Variants in SKAP2 observed in about 807,000 individuals in gnomAD.
The protein encoded by SKAP2 is src kinase-associated phosphoprotein 2.
SKAP2 carries 28 observed loss-of-function variants against 54.9 expected under a neutral mutation model. The observed-to-expected ratio is 0.51, with a 90% CI of 0.38 to 0.70. The LOEUF (loss-of-function observed/expected upper bound fraction) is 0.70. Among genes scored for constraint, SKAP2 ranks in the 30% least tolerant of loss-of-function variants. The pLI is 0.00. For missense variants in SKAP2, 356 were observed against 424.1 expected (o/e 0.84, Z 1.41); for synonymous variants, 137 against 134.3 (o/e 1.02, Z -0.14).
chr7:26,693,481 G>T (rs540354447), intron 9 of SKAP2, among the ~76,000 whole-genome samples: 1 of 152,012 alleles, frequency 6.6e-6, no homozygotes, highest in Admixed American at 6.6e-5. Flanking sequence ...TTGTTACTAT[G>T]AATTTTTTAT....
chr7:26,719,954 T>C (rs1015435837), intron 9 of SKAP2, among the ~76,000 whole-genome samples: 7 of 152,170 alleles, frequency 4.6e-5, no homozygotes, highest in South Asian at 4.1e-4. Flanking sequence ...CTCAGCACTA[T>C]TGACGTTTGG....
chr7:26,775,192 A>C (rs1011397750), intron 4 of SKAP2, among the ~76,000 whole-genome samples: 1 of 152,132 alleles, frequency 6.6e-6, no homozygotes, highest in Non-Finnish European at 1.5e-5. Flanking sequence ...ATTCAGAGAA[A>C]GTTCTTTCTC....
chr7:26,787,789 T>C (rs1484245420), intron 4 of SKAP2, among the ~76,000 whole-genome samples: 1 of 152,168 alleles, frequency 6.6e-6, no homozygotes, highest in Non-Finnish European at 1.5e-5. Context: ...CACCAAGCCA[T>C]GAGGGATCTG....
At chr7:26,754,629 G>A (rs188350928) in intron 4 of SKAP2, among the ~76,000 whole-genome samples, 2 of 152,188 alleles carry the variant, frequency 1.3e-5, no homozygotes. Flanking sequence ...AATTAGAAAC[G>A]TCAAAATTAA....
chr7:26,820,255 T>A (rs1784361575), intron 4 of SKAP2, among the ~76,000 whole-genome samples: 1 of 152,204 alleles, frequency 6.6e-6, no homozygotes, highest in Non-Finnish European at 1.5e-5. Context: ...CAAAACATAA[T>A]CCTTCCACTT....
intron 4 of SKAP2, among the ~76,000 whole-genome samples, chr7:26,842,722 T>C (rs1375302573): frequency 6.6e-6 from 1 of 151,950 alleles, no homozygotes; most frequent in Non-Finnish European, 1.5e-5. Context: ...ACCACTTAAA[T>C]AATAATTCAT....
Position 26,730,158 on chromosome 7 carries a change from C to G in SKAP2, c.470-3152G>C, listed in dbSNP as rs557861308. On this transcript the variant is annotated intron_variant, in intron 6 of 12. Coordinates refer to ENST00000345317, the MANE Select transcript of SKAP2 (RefSeq NM_003930.5). ...GACATGGCTATAAGACAACACTGTT[C>G]TCCTCCTTTCACATTAGTTTCTCTT... Among the ~76,000 whole-genome samples, 9 of 152,268 alleles carry G rather than the reference C, an allele frequency of 5.9e-5. No homozygotes were observed. In the South Asian group the frequency reaches 1.2e-3, roughly 21 times the overall value.
At chr7:26,789,474 A>G (rs1018531348) in intron 4 of SKAP2, among the ~76,000 whole-genome samples, 2 of 152,250 alleles carry the variant, frequency 1.3e-5, no homozygotes, top group Non-Finnish European at 2.9e-5. Flanking sequence ...TCACTCACAC[A>G]GAGATATTCA....
chr7:26,688,303 A>C (rs561541342), intron 10 of SKAP2, among the ~76,000 whole-genome samples: 23 of 152,346 alleles, frequency 1.5e-4, no homozygotes, highest in African/African-American at 4.6e-4. Context: ...ACTCATCCAC[A>C]TATCTGCAAG....
chr7:26,821,788 C>T (rs1236528147), intron 4 of SKAP2, among the ~76,000 whole-genome samples: 1 of 152,134 alleles, frequency 6.6e-6, no homozygotes, highest in Non-Finnish European at 1.5e-5. Context: ...CTACCCCTGG[C>T]TATTTACTCC....
chr7:26,671,850 C>T (rs189398988), intron 11 of SKAP2, among the ~76,000 whole-genome samples: 16 of 151,946 alleles, frequency 1.1e-4, no homozygotes, highest in Non-Finnish European at 1.8e-4. Context: ...TGATTAGCAA[C>T]GATTATATCT....
At chr7:26,704,359 G>C (rs532038497) in intron 9 of SKAP2, among the ~76,000 whole-genome samples, 17 of 152,314 alleles carry the variant, frequency 1.1e-4, no homozygotes, top group Non-Finnish European at 1.9e-4. Flanking sequence ...GCAGGGCTGA[G>C]AGCAGCTTCA....
intron 4 of SKAP2, among the ~76,000 whole-genome samples, chr7:26,803,183 A>G (rs1783951805): frequency 6.6e-6 from 1 of 152,194 alleles, no homozygotes; most frequent in Admixed American, 6.5e-5. Flanking sequence ...TGAAGAGAGA[A>G]CACACAGAAT....
chr7:26,727,083 A>T, intron 6 of SKAP2, 77 bp from the exon 7 acceptor site: 1 of 1,232,078 alleles, frequency 8.1e-7, no homozygotes, highest in Non-Finnish European at 1.1e-6. Flanking sequence ...AAATTTCTTC[A>T]TCAATTCTTG....
chr7:26,811,679 C>G (rs10250097), intron 4 of SKAP2, among the ~76,000 whole-genome samples: 12,524 of 152,166 alleles, frequency 0.082, 584 homozygotes, highest in Middle Eastern at 0.16. Flanking sequence ...CATAAAGCCC[C>G]ACTAAGAAAA....
At chr7:26,815,528 C>T (rs1784247742) in intron 4 of SKAP2, among the ~76,000 whole-genome samples, 1 of 152,088 alleles carries the variant, frequency 6.6e-6, no homozygotes, top group Admixed American at 6.6e-5. Context: ...AACAATATGA[C>T]AAACTCAGTA....
intron 4 of SKAP2, among the ~76,000 whole-genome samples, chr7:26,813,270 T>A (rs1037299240): frequency 2.6e-5 from 4 of 152,210 alleles, no homozygotes; most frequent in Non-Finnish European, 5.9e-5. Context: ...GCAATTGTAT[T>A]CATGCTGTGC....
chr7:26,772,347 C>T (rs1339061990), intron 4 of SKAP2, among the ~76,000 whole-genome samples: 1 of 151,986 alleles, frequency 6.6e-6, no homozygotes, highest in African/African-American at 2.4e-5. Context: ...AGCATAGTAC[C>T]CAATAGGTAG....
intron 11 of SKAP2, among the ~76,000 whole-genome samples, chr7:26,683,692 T>A (rs1318227600): frequency 1.3e-5 from 2 of 152,202 alleles, no homozygotes; most frequent in East Asian, 3.9e-4. Context: ...AGAATTAGAT[T>A]ATCATCATTG....
Sources: allele counts gnomAD v4.1 joint callset (sites outside exome capture counted in the v4.1 genomes callset), GRCh38; gene constraint gnomAD v4.1.1; transcripts MANE v1.5; gene names NCBI Gene and HGNC (gene_info 2026-07-23, HGNC 2026-07-21).